Variants in CTNND2 observed in about 807,000 individuals in gnomAD.
CTNND2 encodes catenin delta 2.
A neutral mutation model predicts 144.4 loss-of-function variants in CTNND2; 22 were observed. The ratio of observed to expected loss-of-function variants is 0.15; its 90% CI spans 0.11 to 0.22. CTNND2 has a LOEUF of 0.22. Among genes scored for constraint, CTNND2 ranks in the 10% least tolerant of loss-of-function variants. CTNND2 has a pLI of 1.00. For missense variants in CTNND2, 1,353 were observed against 1,618.8 expected, an observed-to-expected ratio of 0.84 and a Z score of 2.82; for synonymous variants, 751 against 695.6, an observed-to-expected ratio of 1.08 and a Z score of -1.25.
intron 9 of CTNND2, among the ~76,000 whole-genome samples, chr5:11,249,511 A>G (rs571871057): frequency 6.6e-6 from 1 of 152,292 alleles, no homozygotes; most frequent in East Asian, 1.9e-4. Flanking sequence ...ATCTAGAAGG[A>G]GAAAAAACAG....
intron 2 of CTNND2, among the ~76,000 whole-genome samples, chr5:11,709,252 C>T (rs908169090): frequency 4.6e-5 from 7 of 152,164 alleles, no homozygotes; most frequent in African/African-American, 1.4e-4. Context: ...CAGTTTCACT[C>T]GGCTAATGGG....
intron 13 of CTNND2, among the ~76,000 whole-genome samples, chr5:11,113,355 T>C (rs967070153): frequency 1.3e-5 from 2 of 152,198 alleles, no homozygotes; most frequent in Non-Finnish European, 2.9e-5. Flanking sequence ...TTGTGCATAA[T>C]TGGTGTTTTC....
At chr5:11,585,299 C>T (rs1375387154) in intron 2 of CTNND2, among the ~76,000 whole-genome samples, 8 of 152,134 alleles carry the variant, frequency 5.3e-5, no homozygotes, top group Admixed American at 5.2e-4. Context: ...CACTTCTCTC[C>T]TACTTAAGAG....
intron 3 of CTNND2, among the ~76,000 whole-genome samples, chr5:11,507,898 G>T (rs141515816): frequency 6.6e-5 from 10 of 152,218 alleles, no homozygotes; most frequent in African/African-American, 2.4e-4. Flanking sequence ...CAAAATACTC[G>T]GTGGGAAACC....
rs907513348 is a variant in CTNND2 at position 11,616,215 on chromosome 5, C to T, written c.175-51159G>A. Among the ~76,000 whole-genome samples, 8 of 152,138 alleles carry T rather than the reference C, an allele frequency of 5.3e-5. 1 individual carries two copies. The highest frequency in any genetic ancestry group is 5.2e-4 in the Admixed American group (8 of 15,278). ...TCTCCTCTGGGCCATTTTCTCGCTA[C>T]AAAAATGATCACTTTTTACAGTTTT... On this transcript the variant is annotated intron_variant, in intron 2 of 21. Coordinates refer to ENST00000304623, the MANE Select transcript of CTNND2 (RefSeq NM_001332.4).
At chr5:11,535,892 C>A (rs1774172569) in intron 3 of CTNND2, among the ~76,000 whole-genome samples, 1 of 152,086 alleles carries the variant, frequency 6.6e-6, no homozygotes, top group Non-Finnish European at 1.5e-5. Flanking sequence ...ATTTTTCCAA[C>A]TATAAAAAAG....
intron 2 of CTNND2, among the ~76,000 whole-genome samples, chr5:11,719,662 T>G (rs1786547560): frequency 6.6e-6 from 1 of 152,232 alleles, no homozygotes; most frequent in African/African-American, 2.4e-5. Flanking sequence ...TAACAAGTTA[T>G]ATGTCAGAGT....
At chr5:11,525,121 C>T (rs532796514) in intron 3 of CTNND2, among the ~76,000 whole-genome samples, 5 of 152,308 alleles carry the variant, frequency 3.3e-5, no homozygotes, top group South Asian at 2.1e-4. Context: ...ATCTGCATTC[C>T]TACCTTCCTT....
intron 16 of CTNND2, among the ~76,000 whole-genome samples, chr5:11,066,221 G>A (rs1397933703): frequency 6.6e-6 from 1 of 152,114 alleles, no homozygotes; most frequent in East Asian, 1.9e-4. Context: ...TGTATTTTTA[G>A]TAGAGATGGG....
At chr5:11,371,264 G>A (rs982942762) in intron 7 of CTNND2, among the ~76,000 whole-genome samples, 1 of 152,160 alleles carries the variant, frequency 6.6e-6, no homozygotes, top group Non-Finnish European at 1.5e-5. Flanking sequence ...CTTGATACCT[G>A]TTATCATGAA....
intron 11 of CTNND2, among the ~76,000 whole-genome samples, chr5:11,197,400 CAGAG>C (rs1383517426): frequency 6.6e-6 from 1 of 152,164 alleles, no homozygotes; most frequent in Admixed American, 6.5e-5. Flanking sequence ...AGGAGACAGA[CAGAG>C]AGCCTCAAAC....
intron 3 of CTNND2, among the ~76,000 whole-genome samples, chr5:11,452,421 TA>T (rs1467931605): frequency 1.3e-5 from 2 of 152,160 alleles, no homozygotes; most frequent in Non-Finnish European, 2.9e-5. Flanking sequence ...AAATAATTTT[TA>T]AAAATGTGAC....
chr5:11,617,986 C>T (rs1467217675), intron 2 of CTNND2, among the ~76,000 whole-genome samples: 1 of 152,166 alleles, frequency 6.6e-6, no homozygotes, highest in Non-Finnish European at 1.5e-5. Flanking sequence ...CCTTCAAGGG[C>T]TGCTAAAAGT....
intron 9 of CTNND2, among the ~76,000 whole-genome samples, chr5:11,273,390 C>G (rs1370725825): frequency 3.9e-5 from 6 of 152,182 alleles, no homozygotes; most frequent in African/African-American, 7.2e-5. Context: ...AGTCACGCTG[C>G]CTTCAGTGAG....
At chr5:11,590,195 G>A (rs114863815) in intron 2 of CTNND2, among the ~76,000 whole-genome samples, 3,914 of 151,960 alleles carry the variant, frequency 0.026, 92 homozygotes, top group East Asian at 0.11. Context: ...ACAGGCGCCC[G>A]TCACCAGGCC....
chr5:11,158,341 C>A (rs6892303), intron 12 of CTNND2, among the ~76,000 whole-genome samples: 75,709 of 152,000 alleles, frequency 0.5, 19,823 homozygotes, highest in Admixed American at 0.57. Flanking sequence ...GATGTTTGCC[C>A]AAGGATAACA....
rs903949267 is a variant in CTNND2 at position 10,973,740 on chromosome 5, G to T, written c.3418-27C>A. 6.4e-7 allele frequency: 1 copy of T among 1,556,538 alleles called. No individual in the cohort carries two copies. Among genetic ancestry groups the T allele is most frequent in the Admixed American group, 1.9e-5 (1 of 53,052 alleles). On this transcript the variant is annotated intron_variant, in intron 21 of 21. Coordinates refer to ENST00000304623, the MANE Select transcript of CTNND2 (RefSeq NM_001332.4). This position sits in a 1 kb window ranked among gnomAD's most constrained non-coding sequence, Gnocchi z 5.6. The stretch of plus-strand genomic sequence containing the variant: ...TAAACGGGAAAGAAGAGCCACACTG[G>T]GTTACTTGGTTTCCCTTGACTCAGC...
intron 2 of CTNND2, among the ~76,000 whole-genome samples, chr5:11,604,064 C>G (rs760099149): frequency 6.6e-6 from 1 of 152,166 alleles, no homozygotes; most frequent in South Asian, 2.1e-4. Flanking sequence ...ATATTATTGG[C>G]TACTTCAGTG....
At chr5:11,194,367 G>C (rs1736642341) in intron 11 of CTNND2, among the ~76,000 whole-genome samples, 1 of 152,196 alleles carries the variant, frequency 6.6e-6, no homozygotes. Flanking sequence ...AGACAGGAAA[G>C]TACTGTCCCC....
Sources: gnomAD v4.1 joint callset for allele counts (sites outside exome capture counted in the v4.1 genomes callset) on GRCh38, gnomAD v4.1.1 for gene constraint, Gnocchi (gnomAD v3.1) non-coding constraint, MANE v1.5 for transcripts, NCBI Gene and HGNC (gene_info 2026-07-23, HGNC 2026-07-21) for gene names.